Variants in BAZ2B observed in about 807,000 individuals in gnomAD.
BAZ2B encodes the protein bromodomain adjacent to zinc finger domain protein 2B.
A neutral mutation model predicts 246.0 loss-of-function variants in BAZ2B; 91 were observed. That is an observed-to-expected ratio of 0.37 (90% CI 0.31 to 0.44). BAZ2B has a LOEUF of 0.44. Ranked by LOEUF, BAZ2B falls within the 20% of genes least tolerant of loss-of-function variation. BAZ2B has a pLI of 1.00. For missense variants in BAZ2B, 2,332 were observed against 2,533.7 expected (o/e 0.92, Z 1.71); for synonymous variants, 855 against 860.0 (o/e 0.99, Z 0.10).
chr2:159,615,215 C>T (rs564773731), intron 1 of BAZ2B: 1 of 144,188 alleles, frequency 6.9e-6, no homozygotes, highest in Admixed American at 7.4e-5. Flanking sequence ...CTTCCTTCCC[C>T]TTCTCAAATC....
chr2:159,660,190 A>G, the BAZ2B span, among the ~76,000 whole-genome samples: 1 of 152,212 alleles, frequency 6.6e-6, no homozygotes, highest in Non-Finnish European at 1.5e-5. Context: ...GGTATCATAT[A>G]TATCACAAAT....
At chr2:159,535,917 A>G (rs1053997242) in intron 2 of BAZ2B, among the ~76,000 whole-genome samples, 7 of 152,206 alleles carry the variant, frequency 4.6e-5, no homozygotes, top group Non-Finnish European at 1.0e-4. Flanking sequence ...TTTGTGATTT[A>G]TTGCTGCTGT....
chr2:159,455,763 G>GTTTTT (rs60866580), intron 3 of BAZ2B, among the ~76,000 whole-genome samples: 54 of 64,618 alleles, frequency 8.4e-4, no homozygotes, highest in Admixed American at 1.6e-3. Context: ...AAATATTGTG[G>GTTTTT]TTTTTTTTTT....
At chr2:159,679,981 T>G in the BAZ2B span, among the ~76,000 whole-genome samples, 1 of 152,234 alleles carries the variant, frequency 6.6e-6, no homozygotes, top group Admixed American at 6.5e-5. Context: ...TATCTCTGGC[T>G]TAGGCAAAAT....
chr2:159,324,868 T>C lies in BAZ2B; in HGVS notation c.6296A>G (p.Lys2099Arg). ...AAAATCCATAGGCTTCTTAATAACT[T>C]TCTTATAACCAGGAACAAGTTTCAA... The part of the protein sequence containing the change: ...VNLKLVPGYK[K>R]VIKKPMDFST... Residue 2099 changes from lysine to arginine, a missense_variant, in exon 36 of 37, where the codon AAA (lysine) becomes AGA (arginine). Physicochemically the swap from Lys to Arg is conservative, Grantham distance 26. Coordinates refer to ENST00000392783, the MANE Select transcript of BAZ2B (RefSeq NM_013450.4). 6.4e-7 allele frequency: 1 copy of C among 1,553,982 alleles called. No individual in the cohort carries two copies. Among genetic ancestry groups the C allele is most frequent in the Admixed American group, 2.1e-5 (1 of 47,218 alleles).
At chr2:159,535,548 T>G (rs1202958815) in intron 2 of BAZ2B, among the ~76,000 whole-genome samples, 6 of 151,870 alleles carry the variant, frequency 4.0e-5, no homozygotes, top group African/African-American at 7.2e-5. Flanking sequence ...AAATACACCT[T>G]TATTTTATTT....
chr2:159,545,820 T>TA lies in BAZ2B; in HGVS notation c.-3+10002dup, dbSNP rs200996953. On this transcript the variant is annotated intron_variant, in intron 2 of 36. Transcript: ENST00000392783. Reference sequence around the variant, plus strand: ...ACGTTTCTGAAACTTAACCTATGTATAAACCCCTTATGAAGACAGAAAAAA... The same window carrying TA: ...ACGTTTCTGAAACTTAACCTATGTATAAAACCCCTTATGAAGACAGAAAAAA... Among the ~76,000 whole-genome samples the TA allele has an allele frequency of 1.4e-4, 21 of 152,336 alleles. No homozygotes were observed. The East Asian group carries it at 3.7e-3, about 27-fold the overall frequency.
intron 6 of BAZ2B, among the ~76,000 whole-genome samples, chr2:159,439,871 TGAG>T (rs2073065167): frequency 6.6e-6 from 1 of 152,002 alleles, no homozygotes; most frequent in African/African-American, 2.4e-5. Context: ...AGGTAGAAGA[TGAG>T]GTAGATAAAT....
At chr2:159,618,519 T>C (rs1454450487), upstream of BAZ2B, among the ~76,000 whole-genome samples, 1 of 152,114 alleles carries the variant, frequency 6.6e-6, no homozygotes, top group Non-Finnish European at 1.5e-5. Flanking sequence ...AAAATATAAG[T>C]ATGAATGCAC....
At chr2:159,455,762 GGTTTTT>G (rs1403078944) in intron 3 of BAZ2B, among the ~76,000 whole-genome samples, 6 of 97,124 alleles carry the variant, frequency 6.2e-5, no homozygotes, top group Non-Finnish European at 1.3e-4. Flanking sequence ...GAAATATTGT[GGTTTTT>G]TTTTTTTTTT....
intron 1 of BAZ2B, among the ~76,000 whole-genome samples, chr2:159,608,195 TA>T (rs1693941465): frequency 6.6e-6 from 1 of 152,092 alleles, no homozygotes; most frequent in African/African-American, 2.4e-5. Flanking sequence ...GGAAACATGC[TA>T]AAACCCCGTC....
intron 2 of BAZ2B, among the ~76,000 whole-genome samples, chr2:159,511,951 G>C (rs1356026107): frequency 1.3e-5 from 2 of 152,104 alleles, no homozygotes; most frequent in African/African-American, 2.4e-5. Flanking sequence ...GAAAGGTATA[G>C]GAAGAATGAA....
intron 13 of BAZ2B, among the ~76,000 whole-genome samples, chr2:159,423,299 G>A (rs1027009569): frequency 1.3e-4 from 14 of 111,600 alleles, no homozygotes; most frequent in Non-Finnish European, 2.8e-4. Context: ...CTGGGTGACA[G>A]AGCAAGACTC....
At chr2:159,555,690 C>T (rs184713101) in intron 2 of BAZ2B, 133 bp downstream of exon 2, 56 of 152,198 alleles carry the variant, frequency 3.7e-4, no homozygotes, top group African/African-American at 1.2e-3. Flanking sequence ...AGATATGATT[C>T]ATTTAAAATG....
chr2:159,488,822 C>G (rs1054279525), intron 2 of BAZ2B, among the ~76,000 whole-genome samples: 10 of 152,098 alleles, frequency 6.6e-5, no homozygotes, highest in African/African-American at 2.4e-4. Context: ...CTTGATGATA[C>G]TTTAGGAAGC....
At chr2:159,364,950 T>C (rs1477320340) in intron 27 of BAZ2B, among the ~76,000 whole-genome samples, 3 of 152,188 alleles carry the variant, frequency 2.0e-5, no homozygotes, top group African/African-American at 7.2e-5. Flanking sequence ...GCAAGTGATC[T>C]ATGACTGGTC....
At chr2:159,536,884 G>A (rs2086061391) in intron 2 of BAZ2B, among the ~76,000 whole-genome samples, 1 of 152,152 alleles carries the variant, frequency 6.6e-6, no homozygotes. Context: ...ATCAGCAAAC[G>A]AAAGCAATCT....
At position 159,373,602 on chromosome 2, in the gene BAZ2B, G is replaced by A. The variant is rs555407343; in HGVS notation, c.4069-413C>T. 2.6e-5 allele frequency among the ~76,000 whole-genome samples: 4 copies of A among 152,262 alleles called. No individual in the cohort carries two copies. The South Asian group carries it at 6.2e-4, about 24-fold the overall frequency. On this transcript the variant is annotated intron_variant, in intron 26 of 36. Transcript: ENST00000392783. The stretch of plus-strand genomic sequence containing the variant: ...TCCCAGCACTCTGGGAGGCTGAGGC[G>A]GGTGGGTCATTTGAACCCAGGAATT...
At chr2:159,636,473 C>A in the BAZ2B span, among the ~76,000 whole-genome samples, 1 of 152,076 alleles carries the variant, frequency 6.6e-6, no homozygotes, top group African/African-American at 2.4e-5. Context: ...ATGGAGGGGG[C>A]TTTTGGACTA....
Sources: gnomAD v4.1 joint callset for allele counts (sites outside exome capture counted in the v4.1 genomes callset) on GRCh38, gnomAD v4.1.1 for gene constraint, MANE v1.5 for transcripts, NCBI Gene and HGNC (gene_info 2026-07-23, HGNC 2026-07-21) for gene names.